Variants in TMEM43 observed in about 807,000 individuals in gnomAD.
TMEM43 encodes the protein transmembrane protein 43, also known as arrhythmogenic right ventricular dysplasia 5.
TMEM43 carries 45 observed loss-of-function variants against 49.6 expected under a neutral mutation model. The ratio of observed to expected loss-of-function variants is 0.91; its 90% CI spans 0.71 to 1.16. The LOEUF is 1.16. TMEM43 is among the 50% of genes most tolerant of loss of function. The pLI is 0.00. For missense variants in TMEM43, 532 were observed against 516.6 expected (o/e 1.03, Z -0.29); for synonymous variants, 199 against 207.8 (o/e 0.96, Z 0.36).
chr3:14,141,533 T>C (rs1490570294), intron 11 of TMEM43, 60 bp from the exon 12 acceptor site: 1 of 1,495,158 alleles, frequency 6.7e-7, no homozygotes, highest in Non-Finnish European at 9.3e-7. Context: ...ACAGGAGAGA[T>C]CTGCTGAGCT....
intron 8 of TMEM43, 40 bp downstream of exon 8, chr3:14,134,931 G>C (rs757820643): frequency 1.2e-6 from 2 of 1,613,456 alleles, no homozygotes; most frequent in African/African-American, 1.3e-5. Flanking sequence ...AGGAGGGTCA[G>C]GGCGCTAGGA....
At chr3:14,130,534 G>A (rs1036131350) in intron 2 of TMEM43, among the ~76,000 whole-genome samples, 3 of 152,076 alleles carry the variant, frequency 2.0e-5, no homozygotes, top group Non-Finnish European at 2.9e-5. Flanking sequence ...GGGGAGAAAG[G>A]GACAGGCAGG....
At chr3:14,139,069 C>T (rs1216688115) in intron 10 of TMEM43, 111 bp from the exon 11 acceptor site, 5 of 821,588 alleles carry the variant, frequency 6.1e-6, no homozygotes, top group South Asian at 2.7e-5. Flanking sequence ...CTGGCCTGTT[C>T]AGAAATGGCC....
chr3:14,132,967 T>C, intron 6 of TMEM43, 32 bp downstream of exon 6: 1 of 1,552,560 alleles, frequency 6.4e-7, no homozygotes, highest in Non-Finnish European at 8.9e-7. Flanking sequence ...TGAGTGCAGC[T>C]TTGTCTACAC....
At chr3:14,129,602 C>T in intron 2 of TMEM43, 41 bp downstream of exon 2, 2 of 1,611,858 alleles carry the variant, frequency 1.2e-6, no homozygotes, top group Non-Finnish European at 8.5e-7. Context: ...TGAGAGTCCC[C>T]ACCATGTCAG....
chr3:14,130,418 T>C (rs1695077452), intron 2 of TMEM43, among the ~76,000 whole-genome samples: 1 of 152,046 alleles, frequency 6.6e-6, no homozygotes, highest in Non-Finnish European at 1.5e-5. Flanking sequence ...GCAGGATCGC[T>C]TGAGGTCAGA....
Position 14,141,885 on chromosome 3 carries a change from C to A in TMEM43, c.*90C>A. The A allele has an allele frequency of 2.2e-6, 3 of 1,390,504 alleles. No individual in the cohort carries two copies. The highest frequency in any genetic ancestry group is 2.9e-6 in the Non-Finnish European group (3 of 1,023,038). 86.1% of individuals were successfully genotyped at this position (1,390,504 alleles called of 1,614,324 possible). A position where few individuals can be genotyped will look rare whatever the true frequency, so the allele number is the denominator to read the frequency against. On this transcript the variant is annotated 3_prime_UTR_variant, in exon 12 of 12. Coordinates refer to ENST00000306077, the MANE Select transcript of TMEM43 (RefSeq NM_024334.3). ...ACCCAGCTCCATGCCAGAGCAGGAGCCCCGGTCAATTTTGGACTCTGCACT... is the reference window on the plus strand; with the variant it reads ...ACCCAGCTCCATGCCAGAGCAGGAGACCCGGTCAATTTTGGACTCTGCACT...
intron 9 of TMEM43, 85 bp from the exon 10 acceptor site, chr3:14,135,722 C>G: frequency 8.5e-7 from 1 of 1,181,948 alleles, no homozygotes; most frequent in Non-Finnish European, 1.2e-6. Flanking sequence ...AGCCGGCACC[C>G]AGTCCCGGGA....
chr3:14,136,648 T>C (rs1344193861), intron 10 of TMEM43, among the ~76,000 whole-genome samples: 1 of 152,024 alleles, frequency 6.6e-6, no homozygotes, highest in Non-Finnish European at 1.5e-5. Flanking sequence ...AGGGTTCACC[T>C]TCTAAGGGGG....
chr3:14,133,947 GC>G (rs1322322597), intron 7 of TMEM43, 138 bp downstream of exon 7: 14 of 852,250 alleles, frequency 1.6e-5, no homozygotes, highest in East Asian at 1.5e-4. Context: ...TGCTTTGGGG[GC>G]CAGGGGAAGG....
chr3:14,134,675 T>TC (rs1695142722), intron 7 of TMEM43, 95 bp from the exon 8 acceptor site: 2 of 1,553,244 alleles, frequency 1.3e-6, no homozygotes, highest in African/African-American at 2.7e-5. Context: ...GTGTGCAGGC[T>TC]CCAGGGGTGC....
chr3:14,131,081 C>T lies in TMEM43; in HGVS notation c.297+125C>T, dbSNP rs912163590. The T allele has an allele frequency of 5.7e-6, 7 of 1,224,596 alleles. No homozygotes were observed. The African/African-American group carries it at 1.1e-4, about 18-fold the overall frequency. 75.9% of individuals were successfully genotyped at this position (1,224,596 alleles called of 1,614,324 possible). The stretch of plus-strand genomic sequence containing the variant: ...ACATGGGAGTGATTCCCGACTTTAC[C>T]ACTCAGCAGCTGTGTGGACTTGTCT... On this transcript the variant is annotated intron_variant, in intron 3 of 11. Transcript: ENST00000306077.
chr3:14,136,653 A>T (rs1319405413), intron 10 of TMEM43, among the ~76,000 whole-genome samples: 1 of 148,530 alleles, frequency 6.7e-6, no homozygotes, highest in Non-Finnish European at 1.5e-5. Flanking sequence ...TCACCTTCTA[A>T]GGGGGCACCC....
rs1049166260 is a variant in TMEM43, at chr3:14,143,135, A to C, written c.*1340A>C. 6.6e-6 allele frequency: 1 copy of C among 151,972 alleles called. No individual in the cohort carries two copies. Among genetic ancestry groups the C allele is most frequent in the Non-Finnish European group, 1.5e-5 (1 of 68,026 alleles). The allele number at this position is 151,972 out of a possible 1,614,324, so 9.4% of individuals were successfully genotyped here. ...TTCTAAGTTCCCCAACTACTCTCAC[A>C]CCCTTTTAAAGATAAAGTATGTTGT... On this transcript the variant is annotated 3_prime_UTR_variant, in exon 12 of 12. Coordinates refer to ENST00000306077, the MANE Select transcript of TMEM43 (RefSeq NM_024334.3).
chr3:14,133,450 T>C (rs1385574755), intron 6 of TMEM43, among the ~76,000 whole-genome samples: 1 of 152,004 alleles, frequency 6.6e-6, no homozygotes, highest in Non-Finnish European at 1.5e-5. Flanking sequence ...GGGTGTAAAG[T>C]CCATGCAAGA....
rs1212663056 is a variant in TMEM43, at chr3:14,135,155, C to T, written c.706-3C>T. 6 of 1,611,496 alleles carry T rather than the reference C, an allele frequency of 3.7e-6. No individual in the cohort carries two copies. The South Asian group carries it at 4.4e-5, about 12-fold the overall frequency. ...ACTCTCCCTGCTTCTCTTCCACCCC[C>T]AGGTGGGAGACTTGCGTGTCTCCTT... On this transcript the variant is annotated splice_region_variant and splice_polypyrimidine_tract_variant and intron_variant, in intron 8 of 11. Transcript: ENST00000306077.
At chr3:14,137,897 C>G (rs1695190799) in intron 10 of TMEM43, 1 of 152,210 alleles carries the variant, frequency 6.6e-6, no homozygotes, top group African/African-American at 2.4e-5. Flanking sequence ...GTTTAGTTAA[C>G]TGCTTGAGGT....
chr3:14,133,033 G>T lies in TMEM43; in HGVS notation c.512+98G>T, dbSNP rs868824693. ...TGAATAACAGGATTGAGTTAATCCT[G>T]CCTCGTGGGTTGAAAATGTGGGACA... is the stretch of plus-strand genomic sequence containing the variant. On this transcript the variant is annotated intron_variant, in intron 6 of 11. Transcript: ENST00000306077. 4 of 1,077,028 alleles carry T rather than the reference G, an allele frequency of 3.7e-6. No homozygotes were observed. The Middle Eastern group carries it at 8.0e-4, about 214-fold the overall frequency. 66.7% of individuals were successfully genotyped at this position (1,077,028 alleles called of 1,614,324 possible).
chr3:14,126,724 A>C (rs190277719), intron 1 of TMEM43, among the ~76,000 whole-genome samples: 1 of 152,352 alleles, frequency 6.6e-6, no homozygotes, highest in East Asian at 1.9e-4. Flanking sequence ...ACCCCTCACC[A>C]AGGAATATAC....
Sources: gnomAD v4.1 joint callset for allele counts (sites outside exome capture counted in the v4.1 genomes callset) on GRCh38, gnomAD v4.1.1 for gene constraint, MANE v1.5 for transcripts, NCBI Gene and HGNC (gene_info 2026-07-23, HGNC 2026-07-21) for gene names.